The following LAMA5 variants were observed in gnomAD, a reference collection of about 807,000 sequenced individuals.
The protein encoded by LAMA5 is laminin subunit alpha 5.
LAMA5 carries 260 observed loss-of-function variants against 433.4 expected under a neutral mutation model. That is an observed-to-expected ratio of 0.60 (90% CI 0.54 to 0.66). The LOEUF (loss-of-function observed/expected upper bound fraction) is 0.66. Among genes scored for constraint, LAMA5 ranks in the 30% least tolerant of loss-of-function variants. The pLI is 0.00. For missense variants in LAMA5, 5,378 were observed against 5,258.5 expected (o/e 1.02, Z -0.70); for synonymous variants, 2,620 against 2,226.6 (o/e 1.18, Z -4.97).
chr20:62,351,886 C>T lies in LAMA5; in HGVS notation c.858+23G>A, dbSNP rs201928639. ...GTCCACCCGGCCAGTCCCCCTCCCC[C>T]GCCTGCGCCATGGGCAGCTCACCCG... On this transcript the variant is annotated intron_variant, in intron 5 of 79. Transcript: ENST00000252999. 148 of 1,578,990 alleles carry T rather than the reference C, an allele frequency of 9.4e-5. 1 individual carries two copies. The East Asian group carries it at 1.0e-3, about 11-fold the overall frequency.
chr20:62,310,563 C>T lies in LAMA5; in HGVS notation c.10456G>A (p.Gly3486Arg), dbSNP rs758155328. ...SHSSKLPVTV[G>R]FSGCVKRLRL... ...AGTCTCTTCACACAGCCGCTGAACC[C>T]GACGGTCACCTATAGGAGCAGACCG... The change falls in exon 76 of 80, where the codon GGG becomes AGG. Residue 3486 changes from glycine to arginine, a missense_variant. By Grantham distance (125) the Gly-to-Arg change is moderately radical. Coordinates refer to ENST00000252999, the MANE Select transcript of LAMA5 (RefSeq NM_005560.6). 1.1e-5 allele frequency: 17 copies of T among 1,548,212 alleles called. No homozygotes were observed. Among genetic ancestry groups the T allele is most frequent in the South Asian group, 6.2e-5 (5 of 80,432 alleles).
chr20:62,348,685 G>A (rs1234241561), intron 6 of LAMA5, among the ~76,000 whole-genome samples: 1 of 152,026 alleles, frequency 6.6e-6, no homozygotes, highest in African/African-American at 2.4e-5. Flanking sequence ...ACAGGCAGAT[G>A]TGAAAAAGAA....
rs560475982 is a variant in LAMA5, at chr20:62,323,208, T to C, written c.6064+248A>G. On this transcript the variant is annotated intron_variant, in intron 45 of 79. Coordinates refer to ENST00000252999, the MANE Select transcript of LAMA5 (RefSeq NM_005560.6). Reference sequence around the variant, plus strand: ...ATTGTAGTAGGGAGAAAGGGTGTGATGGTCCGGGGGAGGCCTGATGGTGAA... The same window carrying C: ...ATTGTAGTAGGGAGAAAGGGTGTGACGGTCCGGGGGAGGCCTGATGGTGAA... 7.1e-3 allele frequency among the ~76,000 whole-genome samples: 984 copies of C among 138,920 alleles called. 12 individuals carry two copies. Among genetic ancestry groups the C allele is most frequent in the African/African-American group, 0.025 (908 of 36,614 alleles). The allele number at this position is 138,920 out of a possible 152,430, so 91.1% of individuals were successfully genotyped here. A position where few individuals can be genotyped will look rare whatever the true frequency, so the allele number is the denominator to read the frequency against.
rs201811048 is a variant in LAMA5, at chr20:62,314,795, C to T, written c.8196+4G>A. ...GTCCACCTTCCCCTGGGACTCTCAC[C>T]CACCTTACTGGCAGCCCCCCGGGCC... On this transcript the variant is annotated splice_donor_region_variant and intron_variant, in intron 60 of 79. Coordinates refer to ENST00000252999, the MANE Select transcript of LAMA5 (RefSeq NM_005560.6). The T allele has an allele frequency of 1.2e-4, 199 of 1,612,906 alleles. No homozygotes were observed. The East Asian group carries it at 3.5e-3, about 29-fold the overall frequency.
In LAMA5 at chr20:62,314,324, G is replaced by A. The variant is rs774183967; in HGVS notation, c.8484C>T (p.Phe2828=). ...CCCACCTGTCCAGGCTGACAGCTGC[G>A]AACTGCTCCCCAATGTCCTCATCGA... ...LSIDEDIGEQ[F]AAVSLDRTLQ... Residue 2828 remains phenylalanine (F), a synonymous_variant, in exon 62 of 80, where the codon TTC becomes TTT. Transcript: ENST00000252999. The A allele has an allele frequency of 3.9e-5, 63 of 1,613,064 alleles. 1 individual carries two copies. In the Admixed American group the frequency reaches 6.3e-4, roughly 16 times the overall value.
intron 32 of LAMA5, 129 bp downstream of exon 32, chr20:62,329,648 C>T (rs1305448084): frequency 8.3e-7 from 1 of 1,205,216 alleles, no homozygotes; most frequent in Non-Finnish European, 1.2e-6. Flanking sequence ...AAGGCAGGAG[C>T]TGCTTTGCTG....
At chr20:62,363,175 A>G (rs1986345773) in intron 1 of LAMA5, among the ~76,000 whole-genome samples, 2 of 152,104 alleles carry the variant, frequency 1.3e-5, no homozygotes, top group Non-Finnish European at 2.9e-5. Context: ...AGCCTTCTGG[A>G]TTAGGGTCTC....
chr20:62,314,956 A>T lies in LAMA5; in HGVS notation c.8048-9T>A. 6.3e-7 allele frequency: 1 copy of T among 1,591,398 alleles called. No homozygotes were observed. Among genetic ancestry groups the T allele is most frequent in the Non-Finnish European group, 8.5e-7 (1 of 1,172,796 alleles). ...CTTCTCCAGGGTGGACACTGCAGAG[A>T]GGGAGACCTGAGACCTTTGCCCCCC... On this transcript the variant is annotated splice_polypyrimidine_tract_variant and intron_variant, in intron 59 of 79. Transcript: ENST00000252999.
intron 68 of LAMA5, 23 bp downstream of exon 68, chr20:62,312,377 C>T: frequency 6.3e-7 from 1 of 1,599,878 alleles, no homozygotes; most frequent in Non-Finnish European, 8.5e-7. Flanking sequence ...GATGCCACCC[C>T]CAGCCCGGGG....
rs16985970 is a variant in LAMA5 at position 62,312,412 on chromosome 20, G to A, written c.9348C>T (p.Thr3116=). The A allele has an allele frequency of 0.077, 122,640 of 1,597,588 alleles. 5,498 individuals are homozygous for A. The highest frequency in any genetic ancestry group is 0.2 in the East Asian group (9,139 of 44,780). The change falls in exon 68 of 80, where the codon ACC becomes ACT. Residue 3116 remains threonine, a synonymous_variant. Transcript: ENST00000252999. ...GAGGGCTGCTCACCAGCAGGTCGGCGGTGCAGCCGGCGCTCACGCCTGTCG... is the reference window on the plus strand; with the variant it reads ...GAGGGCTGCTCACCAGCAGGTCGGCAGTGCAGCCGGCGCTCACGCCTGTCG... The part of the protein sequence containing the change: ...LNTTGVSAGC[T]ADLLVGRAMT...
rs759147039 is a variant in LAMA5, at chr20:62,352,001, C to T, written c.766G>A (p.Ala256Thr). The T allele has an allele frequency of 1.2e-6, 2 of 1,612,664 alleles. No homozygotes were observed. Among genetic ancestry groups the T allele is most frequent in the East Asian group, 2.2e-5 (1 of 44,880 alleles). The part of the protein sequence containing the change: ...YSPLLREFTK[A>T]TNVRLRFLRT... ...AGGAAGCGCAGGCGGACGTTGGTGG[C>T]CTTGGTGAACTCACGTAGCAGCGGC... Residue 256 changes from alanine (A) to threonine (T), a missense_variant, in exon 5 of 80, where the codon GCC becomes ACC. Coordinates refer to ENST00000252999, the MANE Select transcript of LAMA5 (RefSeq NM_005560.6).
chr20:62,330,655 C>A, intron 30 of LAMA5, 41 bp from the exon 31 acceptor site: 2 of 1,568,374 alleles, frequency 1.3e-6, no homozygotes, highest in South Asian at 1.2e-5. Flanking sequence ...AGCTATGAGC[C>A]CCTGCTGCCC....
At chr20:62,336,703 A>C in intron 17 of LAMA5, 31 bp downstream of exon 17, 1 of 1,611,628 alleles carries the variant, frequency 6.2e-7, no homozygotes, top group Non-Finnish European at 8.5e-7. Context: ...GTCCTCACCC[A>C]TCTCCCACAC....
chr20:62,331,869 T>C (rs1980524217), intron 28 of LAMA5, among the ~76,000 whole-genome samples: 1 of 152,052 alleles, frequency 6.6e-6, no homozygotes, highest in Non-Finnish European at 1.5e-5. Context: ...CTGGCCAATA[T>C]GGTGAAACCC....
rs2146139536 is a variant in LAMA5 at position 62,324,576 on chromosome 20, T to C, written c.5530-22A>G. On this transcript the variant is annotated intron_variant, in intron 41 of 79. Transcript: ENST00000252999. The surrounding 1 kb of genome is among the most constrained non-coding windows in gnomAD (Gnocchi z 4.4). Reference sequence around the variant, plus strand: ...ATTCCTGAGGGTGTACGGGGGCAGGTGGCATCAGCGATTGAGAGGACGAGG... The same window carrying C: ...ATTCCTGAGGGTGTACGGGGGCAGGCGGCATCAGCGATTGAGAGGACGAGG... 1 of 1,566,068 alleles carries C rather than the reference T, an allele frequency of 6.4e-7. No homozygotes were observed. The highest frequency in any genetic ancestry group is 8.8e-7 in the Non-Finnish European group (1 of 1,142,360).
Position 62,352,027 on chromosome 20 carries a change from G to A in LAMA5, c.740C>T (p.Ser247Leu), listed in dbSNP as rs1190038248. The change falls in exon 5 of 80, where the codon TCG becomes TTG. Residue 247 changes from serine (S) to leucine (L), a missense_variant. Coordinates refer to ENST00000252999, the MANE Select transcript of LAMA5 (RefSeq NM_005560.6). ...CTTGGTGAACTCACGTAGCAGCGGC[G>A]AGTAGGAGAAATTCATGGCGCCCGG... The part of the protein sequence containing the change: ...GRPGAMNFSY[S>L]PLLREFTKAT... The A allele has an allele frequency of 6.8e-6, 11 of 1,612,548 alleles. No homozygotes were observed. Among genetic ancestry groups the A allele is most frequent in the East Asian group, 4.5e-5 (2 of 44,886 alleles).
At position 62,338,429 on chromosome 20, in the gene LAMA5, C is replaced by T. The variant is rs745377937; in HGVS notation, c.1618+39G>A. 54 of 1,607,336 alleles carry T rather than the reference C, an allele frequency of 3.4e-5. No individual in the cohort carries two copies. The Admixed American group carries it at 3.4e-4, about 10-fold the overall frequency. ...GGCACCAGGCCTCAGGTGTCCACCT[C>T]GAGCGCAGGTAGAGGTTGAGCGGGG... is the stretch of plus-strand genomic sequence containing the variant. On this transcript the variant is annotated intron_variant, in intron 12 of 79. Transcript: ENST00000252999.
chr20:62,309,107 A>ATGAT lies in LAMA5; in HGVS notation c.*225_*228dup, dbSNP rs1184091943. 9.9e-6 allele frequency: 6 copies of ATGAT among 603,898 alleles called. No individual in the cohort carries two copies. The highest frequency in any genetic ancestry group is 5.8e-5 in the East Asian group (2 of 34,368). 37.4% of individuals were successfully genotyped at this position (603,898 alleles called of 1,614,324 possible). A position where few individuals can be genotyped will look rare whatever the true frequency, so the allele number is the denominator to read the frequency against. ...TTTAATTTTTAAGGAGGAACCAGTG[A>ATGAT]TGATTGGTGACAAATCTCTCACAAT... On this transcript the variant is annotated 3_prime_UTR_variant, in exon 80 of 80. Coordinates refer to ENST00000252999, the MANE Select transcript of LAMA5 (RefSeq NM_005560.6).
chr20:62,321,841 C>G (rs1987851636), intron 48 of LAMA5, among the ~76,000 whole-genome samples, 178 bp downstream of exon 48: 1 of 151,690 alleles, frequency 6.6e-6, no homozygotes, highest in Non-Finnish European at 1.5e-5. Flanking sequence ...GTGCAGCCAG[C>G]AGTGGAGCTG....
Sources: gnomAD v4.1 joint callset for allele counts (sites outside exome capture counted in the v4.1 genomes callset) on GRCh38, gnomAD v4.1.1 for gene constraint, Gnocchi (gnomAD v3.1) non-coding constraint, MANE v1.5 for transcripts, NCBI Gene and HGNC (gene_info 2026-07-23, HGNC 2026-07-21) for gene names.